The following NEBL variants were observed in gnomAD, a reference collection of about 807,000 sequenced individuals.
NEBL encodes the protein nebulette.
Under a neutral mutation model 140.2 loss-of-function variants are expected in NEBL, and 122 were observed. The observed-to-expected ratio is 0.87, with a 90% CI of 0.75 to 1.01. The LOEUF (loss-of-function observed/expected upper bound fraction) is 1.01, where lower values mean the gene tolerates loss of function less well. Ranked by LOEUF, NEBL falls within the 50% of genes least tolerant of loss-of-function variation. The probability of loss-of-function intolerance (pLI) is 0.00; values close to 1 mark genes in which losing one functional copy is unlikely to be tolerated. For synonymous variants in NEBL, 436 were observed against 398.9 expected, an observed-to-expected ratio of 1.09 and a Z score of -1.11; for missense variants, 1,365 against 1,231.3, an observed-to-expected ratio of 1.11 and a Z score of -1.62.
intron 4 of NEBL, among the ~76,000 whole-genome samples, chr10:20,921,723 AAC>A (rs1286943915): frequency 2.0e-5 from 3 of 151,988 alleles, no homozygotes; most frequent in African/African-American, 7.2e-5. Context: ...AATATGTGAC[AAC>A]ACACACACAA....
In NEBL at chr10:20,813,933, C is replaced by T. The variant is rs201822024; in HGVS notation, c.2346+6G>A. Reference sequence around the variant, plus strand: ...ATGTTTTAAGAATGATCTGGTTGGACCCTACCATTGAAATATGATTTTGTG... The same window carrying T: ...ATGTTTTAAGAATGATCTGGTTGGATCCTACCATTGAAATATGATTTTGTG... On this transcript the variant is annotated splice_donor_region_variant and intron_variant, in intron 23 of 27. Coordinates refer to ENST00000377122, the MANE Select transcript of NEBL (RefSeq NM_006393.3). 1.0e-4 allele frequency: 161 copies of T among 1,544,954 alleles called. 1 individual carries two copies. In the Admixed American group the frequency reaches 2.6e-3, roughly 25 times the overall value.
intron 4 of NEBL, among the ~76,000 whole-genome samples, chr10:20,941,422 T>C (rs1834859002): frequency 6.6e-6 from 1 of 152,222 alleles, no homozygotes; most frequent in African/African-American, 2.4e-5. Context: ...TAGGTACTGA[T>C]GGGACATATC....
intron 20 of NEBL, among the ~76,000 whole-genome samples, chr10:20,818,237 TTTTG>T (rs2130820087): frequency 6.6e-6 from 1 of 151,894 alleles, no homozygotes; most frequent in African/African-American, 2.4e-5. Context: ...AAAAGAAGGC[TTTTG>T]TTTGTATTGG....
At chr10:20,890,002 G>A in intron 2 of NEBL, 53 bp from the exon 3 acceptor site, 3 of 1,175,290 alleles carry the variant, frequency 2.6e-6, no homozygotes, top group Middle Eastern at 2.1e-4. Context: ...CAATTCTAAT[G>A]GCCTTTTTTG....
At chr10:21,026,450 G>A (rs1839034902) in intron 2 of NEBL, among the ~76,000 whole-genome samples, 1 of 152,172 alleles carries the variant, frequency 6.6e-6, no homozygotes, top group Admixed American at 6.5e-5. Flanking sequence ...AAGACTTCTA[G>A]CTCTAACAAA....
At chr10:21,186,682 A>G (rs900063998) in intron 3 of NEBL, among the ~76,000 whole-genome samples, 10 of 149,322 alleles carry the variant, frequency 6.7e-5, no homozygotes, top group African/African-American at 2.5e-4. Context: ...TTTTTAGTTC[A>G]TCAGCTATCG....
At chr10:20,826,425 A>T in intron 18 of NEBL, 22 bp downstream of exon 18, 1 of 1,567,998 alleles carries the variant, frequency 6.4e-7, no homozygotes, top group Non-Finnish European at 8.8e-7. Context: ...AGAAAAGATA[A>T]TTAATGCTGT....
intron 2 of NEBL, among the ~76,000 whole-genome samples, chr10:21,091,791 A>C (rs1253144267): frequency 6.6e-6 from 1 of 152,056 alleles, no homozygotes; most frequent in Admixed American, 6.6e-5. Context: ...ACACAAGGCA[A>C]ATTTTTTTAT....
At chr10:21,057,255 G>A (rs1487525403) in intron 2 of NEBL, among the ~76,000 whole-genome samples, 3 of 151,996 alleles carry the variant, frequency 2.0e-5, no homozygotes, top group African/African-American at 7.2e-5. Context: ...ACAGTCTCCC[G>A]GGAAGGGTTG....
chr10:20,942,980 C>T (rs1050098115), intron 4 of NEBL, among the ~76,000 whole-genome samples: 1 of 152,198 alleles, frequency 6.6e-6, no homozygotes, highest in African/African-American at 2.4e-5. Flanking sequence ...AACACTTTTA[C>T]ACTGTTGGTG....
At chr10:20,992,794 T>C (rs1423275123) in intron 3 of NEBL, among the ~76,000 whole-genome samples, 3 of 135,378 alleles carry the variant, frequency 2.2e-5, no homozygotes, top group Non-Finnish European at 4.6e-5. Flanking sequence ...TTTTTTTTTT[T>C]TGAGGCGGAG....
chr10:21,084,251 G>A (rs983307004), intron 2 of NEBL, among the ~76,000 whole-genome samples: 2 of 152,228 alleles, frequency 1.3e-5, no homozygotes, highest in African/African-American at 4.8e-5. Context: ...TGCGTTGAGT[G>A]TTGAATGCAG....
Position 20,780,748 on chromosome 10 carries a change from A to G in NEBL, c.*4999T>C, listed in dbSNP as rs1004187624. 6.6e-6 allele frequency: 1 copy of G among 152,228 alleles called. No individual in the cohort carries two copies. Among genetic ancestry groups the G allele is most frequent in the African/African-American group, 2.4e-5 (1 of 41,456 alleles). 9.4% of individuals were successfully genotyped at this position (152,228 alleles called of 1,614,324 possible). On this transcript the variant is annotated 3_prime_UTR_variant, in exon 28 of 28. Transcript: ENST00000377122. ...GAAAACACAGAATATTAAGACCCTG[A>G]AGAGAGTGCATTTGAGAACGCAGTT...
chr10:21,065,995 T>G (rs545089215), intron 2 of NEBL, among the ~76,000 whole-genome samples: 204 of 152,328 alleles, frequency 1.3e-3, no homozygotes, highest in African/African-American at 4.8e-3. Flanking sequence ...CTCTTTATCC[T>G]TCTACACCTC....
chr10:21,003,607 T>C (rs1837997651), intron 3 of NEBL, among the ~76,000 whole-genome samples: 1 of 152,186 alleles, frequency 6.6e-6, no homozygotes, highest in Non-Finnish European at 1.5e-5. Context: ...CAATCAATGA[T>C]TATTGACTGA....
intron 11 of NEBL, among the ~76,000 whole-genome samples, chr10:20,849,450 A>T (rs1338824656): frequency 6.6e-6 from 1 of 152,060 alleles, no homozygotes; most frequent in Non-Finnish European, 1.5e-5. Flanking sequence ...GGGGGTGGGA[A>T]CTCTAAGAGG....
chr10:21,073,871 A>G (rs546505495), intron 2 of NEBL, among the ~76,000 whole-genome samples: 2 of 152,066 alleles, frequency 1.3e-5, no homozygotes, highest in South Asian at 4.2e-4. Context: ...TCAGGAGATC[A>G]AGACCATCCT....
At chr10:20,793,423 T>C (rs1836195093) in intron 26 of NEBL, 1 of 877,156 alleles carries the variant, frequency 1.1e-6, no homozygotes, top group Admixed American at 6.2e-5. Context: ...AGAGGAAGAA[T>C]CAGTTACTTG....
At chr10:21,174,675 G>C (rs1841255248), upstream of NEBL, 1 of 152,226 alleles carries the variant, frequency 6.6e-6, no homozygotes, top group South Asian at 2.1e-4. Context: ...GATCCGCGGG[G>C]AACCCGGAGA....
Sources: gnomAD v4.1 joint callset for allele counts (sites outside exome capture counted in the v4.1 genomes callset) on GRCh38, gnomAD v4.1.1 for gene constraint, MANE v1.5 for transcripts, NCBI Gene and HGNC (gene_info 2026-07-23, HGNC 2026-07-21) for gene names.